MRPS27: variants seen among roughly 807,000 people sequenced by gnomAD.
MRPS27 encodes small ribosomal subunit protein mS27.
Under a neutral mutation model 48.9 loss-of-function variants are expected in MRPS27, and 43 were observed. That is an observed-to-expected ratio of 0.88 (90% CI 0.69 to 1.13). The LOEUF (loss-of-function observed/expected upper bound fraction) is 1.13, where lower values mean the gene tolerates loss of function less well. Ranked by LOEUF, MRPS27 falls within the 50% of genes most tolerant of loss-of-function variation. The pLI is 0.00. For missense variants in MRPS27, 467 were observed against 476.3 expected (o/e 0.98, Z 0.18); for synonymous variants, 188 against 171.9 (o/e 1.09, Z -0.73).
intron 4 of MRPS27, among the ~76,000 whole-genome samples, chr5:72,255,551 T>C (rs1748778740): frequency 6.6e-6 from 1 of 152,222 alleles, no homozygotes; most frequent in Non-Finnish European, 1.5e-5. Context: ...GCTGACAACA[T>C]ATAGATGACA....
intron 7 of MRPS27, among the ~76,000 whole-genome samples, chr5:72,230,316 T>C (rs117567326): frequency 6.6e-6 from 1 of 152,292 alleles, no homozygotes; most frequent in East Asian, 1.9e-4. Flanking sequence ...CAAATCCTCA[T>C]TCTCCCAACT....
At chr5:72,281,654 T>C (rs549512733) in intron 4 of MRPS27, among the ~76,000 whole-genome samples, 1 of 152,270 alleles carries the variant, frequency 6.6e-6, no homozygotes, top group South Asian at 2.1e-4. Context: ...GATATGAAAG[T>C]AGAAGGCACA....
chr5:72,234,827 G>A (rs768086630), intron 5 of MRPS27, among the ~76,000 whole-genome samples: 7 of 152,062 alleles, frequency 4.6e-5, no homozygotes, highest in Non-Finnish European at 8.8e-5. Flanking sequence ...TGTGGGAATT[G>A]GGCACAAAAC....
chr5:72,280,160 T>A (rs1055707277), intron 4 of MRPS27, among the ~76,000 whole-genome samples: 8 of 152,226 alleles, frequency 5.3e-5, no homozygotes, highest in African/African-American at 1.4e-4. Flanking sequence ...TGTGGACCAA[T>A]CATTTTATGT....
intron 2 of MRPS27, among the ~76,000 whole-genome samples, chr5:72,300,965 A>G (rs1240335744): frequency 6.6e-6 from 1 of 152,268 alleles, no homozygotes; most frequent in Non-Finnish European, 1.5e-5. Flanking sequence ...GGCACCTAGT[A>G]AATACCTAAA....
intron 4 of MRPS27, among the ~76,000 whole-genome samples, chr5:72,266,597 C>T (rs6873802): frequency 0.064 from 9,702 of 152,200 alleles, 552 homozygotes; most frequent in African/African-American, 0.15. Flanking sequence ...TGGTGGCTCA[C>T]GCCTGTAATC....
Position 72,277,246 on chromosome 5 carries a change from C to T in MRPS27, c.281+18285G>A, listed in dbSNP as rs114722500. On this transcript the variant is annotated intron_variant, in intron 4 of 10. Transcript: ENST00000261413. ...TGGTGAGTCTGAGGAGAGATAGGAACGTTTTTACACTGTTGATGGGAATAT... is the reference window on the plus strand; with the variant it reads ...TGGTGAGTCTGAGGAGAGATAGGAATGTTTTTACACTGTTGATGGGAATAT... Among the ~76,000 whole-genome samples the T allele has an allele frequency of 2.7e-3, 418 of 152,198 alleles. 2 individuals carry two copies. Among genetic ancestry groups the T allele is most frequent in the African/African-American group, 9.7e-3 (403 of 41,522 alleles).
In MRPS27 at chr5:72,220,085, G is replaced by A. The variant is rs1747698268; in HGVS notation, c.*824C>T. 1 of 152,768 alleles carries A rather than the reference G, an allele frequency of 6.5e-6. No individual in the cohort carries two copies. The highest frequency in any genetic ancestry group is 2.1e-4 in the South Asian group (1 of 4,832). 9.5% of individuals were successfully genotyped at this position (152,768 alleles called of 1,614,324 possible). A position where few individuals can be genotyped will look rare whatever the true frequency, so the allele number is the denominator to read the frequency against. On this transcript the variant is annotated 3_prime_UTR_variant, in exon 11 of 11. Transcript: ENST00000261413. Reference sequence around the variant, plus strand: ...GAAGGGCGAGATGTGGCAGAAAGGAGAATGTGGGAATGTGTGAGTATCCCA... The same window carrying A: ...GAAGGGCGAGATGTGGCAGAAAGGAAAATGTGGGAATGTGTGAGTATCCCA...
intron 4 of MRPS27, among the ~76,000 whole-genome samples, chr5:72,290,908 G>A (rs116720169): frequency 0.042 from 6,384 of 152,254 alleles, 205 homozygotes; most frequent in Non-Finnish European, 0.066. Context: ...CTGCGTCACA[G>A]AACCTTTGCT....
intron 4 of MRPS27, among the ~76,000 whole-genome samples, chr5:72,251,816 C>CGTTTT (rs1748673382): frequency 6.6e-6 from 1 of 152,208 alleles, no homozygotes; most frequent in African/African-American, 2.4e-5. Flanking sequence ...TAAAGGAAAA[C>CGTTTT]ACCAACTAAA....
chr5:72,261,914 G>A (rs1305581617), intron 4 of MRPS27, among the ~76,000 whole-genome samples: 2 of 152,160 alleles, frequency 1.3e-5, no homozygotes, highest in African/African-American at 2.4e-5. Flanking sequence ...GCAGAGTCAC[G>A]ACTGCTGAAA....
chr5:72,319,344 GAA>G (rs1400255646), intron 1 of MRPS27, among the ~76,000 whole-genome samples: 5 of 152,064 alleles, frequency 3.3e-5, no homozygotes, highest in African/African-American at 1.2e-4. Flanking sequence ...CTATAGCAAA[GAA>G]AGGTCAATCA....
At chr5:72,256,652 G>A (rs567786597) in intron 4 of MRPS27, among the ~76,000 whole-genome samples, 1 of 152,354 alleles carries the variant, frequency 6.6e-6, no homozygotes, top group South Asian at 2.1e-4. Context: ...GGGTGAGGCA[G>A]ACAGGAAGCA....
intron 4 of MRPS27, among the ~76,000 whole-genome samples, chr5:72,257,971 C>T (rs1561342355): frequency 6.6e-6 from 1 of 151,406 alleles, no homozygotes; most frequent in Non-Finnish European, 1.5e-5. Flanking sequence ...GTGATCCCAG[C>T]TACTCGGAAG....
chr5:72,300,504 G>A (rs1479060071), intron 2 of MRPS27, among the ~76,000 whole-genome samples: 4 of 152,054 alleles, frequency 2.6e-5, no homozygotes, highest in South Asian at 2.1e-4. Context: ...TGTCTAATAG[G>A]TATCTAAACA....
chr5:72,226,270 A>C, intron 8 of MRPS27, 71 bp from the exon 9 acceptor site: 2 of 1,575,276 alleles, frequency 1.3e-6, no homozygotes, highest in Non-Finnish European at 1.7e-6. Flanking sequence ...GAGGACCTGA[A>C]GGCCCAAGTG....
At chr5:72,303,208 G>T (rs1176167835) in intron 2 of MRPS27, among the ~76,000 whole-genome samples, 1 of 152,172 alleles carries the variant, frequency 6.6e-6, no homozygotes. Flanking sequence ...TCATGGAGAT[G>T]ACTTTATGGA....
chr5:72,230,475 T>C (rs1025332707), intron 7 of MRPS27, among the ~76,000 whole-genome samples: 2 of 152,208 alleles, frequency 1.3e-5, no homozygotes, highest in Admixed American at 6.5e-5. Context: ...GTGCCACTAA[T>C]GCATTTAATT....
Position 72,283,630 on chromosome 5 carries a change from T to C in MRPS27, c.281+11901A>G, listed in dbSNP as rs1359395653. ...CCCAATGGGTATGTTTTGGCAATTG[T>C]TCTTTCTCCAAAGGTCTGTGGCCAG... is the stretch of plus-strand genomic sequence containing the variant. On this transcript the variant is annotated intron_variant, in intron 4 of 10. Coordinates refer to ENST00000261413, the MANE Select transcript of MRPS27 (RefSeq NM_015084.3). Among the ~76,000 whole-genome samples the C allele has an allele frequency of 3.3e-5, 5 of 152,224 alleles. No individual in the cohort carries two copies. The East Asian group carries it at 7.7e-4, about 23-fold the overall frequency.
Sources: allele counts gnomAD v4.1 joint callset (sites outside exome capture counted in the v4.1 genomes callset), GRCh38; gene constraint gnomAD v4.1.1; transcripts MANE v1.5; gene names NCBI Gene and HGNC (gene_info 2026-07-23, HGNC 2026-07-21).